Variants in IFT52 observed in about 807,000 individuals in gnomAD.
IFT52 encodes the protein intraflagellar transport protein 52 homolog.
Under a neutral mutation model 54.4 loss-of-function variants are expected in IFT52, and 44 were observed. That is an observed-to-expected ratio of 0.81 (90% CI 0.63 to 1.04). The LOEUF is 1.04. IFT52 is among the 50% of genes least tolerant of loss of function. The pLI is 0.00. For synonymous variants in IFT52, 181 were observed against 185.3 expected, an observed-to-expected ratio of 0.98 and a Z score of 0.19; for missense variants, 452 against 523.6, an observed-to-expected ratio of 0.86 and a Z score of 1.33.
chr20:43,621,715 A>C (rs1984314400), intron 9 of IFT52, among the ~76,000 whole-genome samples: 1 of 152,154 alleles, frequency 6.6e-6, no homozygotes, highest in Non-Finnish European at 1.5e-5. Flanking sequence ...CACCTGTCTC[A>C]GCTTCCCAAA....
chr20:43,606,635 GGGGGATTTGGCA>G (rs1322060384), intron 6 of IFT52, among the ~76,000 whole-genome samples: 1 of 151,908 alleles, frequency 6.6e-6, no homozygotes, highest in Non-Finnish European at 1.5e-5. Flanking sequence ...TTCTCGCAGA[GGGGGATTTGGCA>G]GGGTCATAGG....
chr20:43,630,996 T>C (rs714998), intron 10 of IFT52, among the ~76,000 whole-genome samples: 129,793 of 152,204 alleles, frequency 0.85, 55,667 homozygotes, highest in African/African-American at 0.95. Flanking sequence ...CTGGGATAGC[T>C]GAGGCTAGGA....
Position 43,620,935 on chromosome 20 carries a change from G to A in IFT52, c.768+10G>A, listed in dbSNP as rs762776083. ...TGCTGAGGACCCAGAGGTAGACACC[G>A]AATTATTAGAAACTTTTAAATGAAA... is the stretch of plus-strand genomic sequence containing the variant. On this transcript the variant is annotated intron_variant, in intron 9 of 13. Transcript: ENST00000373030. 15 of 1,598,172 alleles carry A rather than the reference G, an allele frequency of 9.4e-6. No individual in the cohort carries two copies. The South Asian group carries it at 1.2e-4, about 13-fold the overall frequency.
intron 7 of IFT52, among the ~76,000 whole-genome samples, chr20:43,615,642 A>G (rs1165153434): frequency 6.6e-6 from 1 of 152,064 alleles, no homozygotes; most frequent in Non-Finnish European, 1.5e-5. Context: ...CGTCTCTACT[A>G]AAAATACAAA....
Position 43,634,698 on chromosome 20 carries a change from A to G in IFT52, c.924-1228A>G, listed in dbSNP as rs116029162. Among the ~76,000 whole-genome samples the G allele has an allele frequency of 7.3e-3, 1,116 of 151,962 alleles. 15 individuals are homozygous for G. The highest frequency in any genetic ancestry group is 0.025 in the African/African-American group (1,030 of 41,440). ...CAAGTACAGATTTGTTACCTAGGTA[A>G]ACTTGTGTCATGGGGGTTTGTTGTA... On this transcript the variant is annotated intron_variant, in intron 10 of 13. Coordinates refer to ENST00000373030, the MANE Select transcript of IFT52 (RefSeq NM_016004.5).
At chr20:43,630,570 G>T (rs530354113) in intron 10 of IFT52, among the ~76,000 whole-genome samples, 191 of 152,174 alleles carry the variant, frequency 1.3e-3, no homozygotes, top group Non-Finnish European at 2.2e-3. Flanking sequence ...CAACTACAGG[G>T]TGTTGCTCTG....
intron 12 of IFT52, among the ~76,000 whole-genome samples, chr20:43,641,458 G>C (rs181940908): frequency 6.6e-6 from 1 of 151,212 alleles, no homozygotes; most frequent in Non-Finnish European, 1.5e-5. Flanking sequence ...GGCTGGTCTC[G>C]AACTCCCGGC....
In IFT52 at chr20:43,613,914, C is replaced by G; in HGVS notation, c.550C>G (p.Leu184Val). The G allele has an allele frequency of 6.2e-7, 1 of 1,613,854 alleles. No individual in the cohort carries two copies. Among genetic ancestry groups the G allele is most frequent in the Non-Finnish European group, 8.5e-7 (1 of 1,179,734 alleles). The change falls in exon 7 of 14, where the codon CTG (leucine) becomes GTG (valine). Residue 184 changes from leucine to valine, a missense_variant. Coordinates refer to ENST00000373030, the MANE Select transcript of IFT52 (RefSeq NM_016004.5). ...LSVMKPAVAV[L>V]STGSVCFPLN... is the part of the protein sequence containing the mutation. Reference sequence around the variant, plus strand: ...TGTCATGAAACCAGCAGTGGCGGTTCTGTCTACAGGTTCTGTCTGCTTCCC... The same window carrying G: ...TGTCATGAAACCAGCAGTGGCGGTTGTGTCTACAGGTTCTGTCTGCTTCCC...
intron 9 of IFT52, among the ~76,000 whole-genome samples, chr20:43,623,336 C>T (rs1984482453): frequency 6.6e-6 from 1 of 152,046 alleles, no homozygotes. Flanking sequence ...AGGCACACAC[C>T]ACCATGCTCA....
chr20:43,620,970 A>G lies in IFT52; in HGVS notation c.768+45A>G, dbSNP rs764062708. 3.6e-5 allele frequency: 49 copies of G among 1,358,684 alleles called. No homozygotes were observed. The South Asian group carries it at 4.1e-4, about 11-fold the overall frequency. 84.2% of individuals were successfully genotyped at this position (1,358,684 alleles called of 1,614,324 possible). A position where few individuals can be genotyped will look rare whatever the true frequency, so the allele number is the denominator to read the frequency against. On this transcript the variant is annotated intron_variant, in intron 9 of 13. Transcript: ENST00000373030. ...AAACTTTTAAATGAAAAATGAGTCC[A>G]GCTTCTCAGTACCACTTCTCACAGC...
intron 11 of IFT52, among the ~76,000 whole-genome samples, 169 bp downstream of exon 11, chr20:43,636,182 A>G (rs932598611): frequency 6.6e-6 from 1 of 152,242 alleles, no homozygotes; most frequent in African/African-American, 2.4e-5. Context: ...AATGTTCTAT[A>G]GAGACTTCCA....
At chr20:43,632,904 A>G (rs1455316311) in intron 10 of IFT52, among the ~76,000 whole-genome samples, 1 of 152,268 alleles carries the variant, frequency 6.6e-6, no homozygotes, top group East Asian at 1.9e-4. Context: ...GAAACTTGAA[A>G]GAAATGTTTC....
chr20:43,644,556 T>G (rs1413094489), intron 13 of IFT52, among the ~76,000 whole-genome samples: 1 of 53,932 alleles, frequency 1.9e-5, no homozygotes, highest in Non-Finnish European at 4.4e-5. Context: ...CTGAGGCGGG[T>G]GGATCACGAG....
In IFT52 at chr20:43,637,173, C is replaced by T; in HGVS notation, c.1040C>T (p.Pro347Leu). The T allele has an allele frequency of 6.2e-7, 1 of 1,612,090 alleles. No individual in the cohort carries two copies. The highest frequency in any genetic ancestry group is 8.5e-7 in the Non-Finnish European group (1 of 1,178,806). ...TTTCCTCCCAGTTTCCGGGAGTTAC[C>T]ACCTCCTCCTCTGGAGCTATTTGAT... ...AVFPPSFREL[P>L]PPPLELFDLD... Residue 347 changes from proline to leucine, a missense_variant, in exon 12 of 14, where the codon CCA becomes CTA. By Grantham distance (98) the Pro-to-Leu change is moderately conservative (BLOSUM62 -3). Transcript: ENST00000373030.
In IFT52 at chr20:43,604,501, G is replaced by A. The variant is rs372453915; in HGVS notation, c.413+243G>A. ...TGAGGCAGGAGAATCACTTGAGCCC[G>A]GGAAGCAGAGGTTGCATTGAGCTGA... On this transcript the variant is annotated intron_variant, in intron 5 of 13. Transcript: ENST00000373030. 1.6e-4 allele frequency among the ~76,000 whole-genome samples: 24 copies of A among 152,118 alleles called. 1 individual carries two copies. The highest frequency in any genetic ancestry group is 4.6e-4 in the African/African-American group (19 of 41,514).
rs187230020 is a variant in IFT52 at position 43,620,815 on chromosome 20, A to G, written c.700-42A>G. The G allele has an allele frequency of 1.3e-5, 19 of 1,437,734 alleles. No homozygotes were observed. In the Admixed American group the frequency reaches 2.7e-4, roughly 21 times the overall value. The allele number at this position is 1,437,734 out of a possible 1,614,324, so 89.1% of individuals were successfully genotyped here. A position where few individuals can be genotyped will look rare whatever the true frequency, so the allele number is the denominator to read the frequency against. On this transcript the variant is annotated intron_variant, in intron 8 of 13. Transcript: ENST00000373030. Reference sequence around the variant, plus strand: ...TAGTCCTGACCTTCAGCTTTTTCAAATAACCAACTGTCCTAATTATATACT... The same window carrying G: ...TAGTCCTGACCTTCAGCTTTTTCAAGTAACCAACTGTCCTAATTATATACT...
rs769627995 is a variant in IFT52, at chr20:43,604,284, C to G, written c.413+26C>G. On this transcript the variant is annotated intron_variant, in intron 5 of 13. Transcript: ENST00000373030. The stretch of plus-strand genomic sequence containing the variant: ...GTAAGCATGTTGAAAGCAGAAATAT[C>G]TTGGCAAGGCATCGTCGCTCACACC... The G allele has an allele frequency of 2.6e-6, 4 of 1,532,744 alleles. No individual in the cohort carries two copies. In the East Asian group the frequency reaches 6.8e-5, roughly 26 times the overall value. The allele number at this position is 1,532,744 out of a possible 1,614,324, so 94.9% of individuals were successfully genotyped here.
chr20:43,609,775 CAA>C (rs57268776), intron 6 of IFT52, among the ~76,000 whole-genome samples: 141 of 47,190 alleles, frequency 3.0e-3, no homozygotes, highest in Middle Eastern at 0.019. Flanking sequence ...AACTCCGTCT[CAA>C]AAAAAAAAAA....
At chr20:43,634,190 A>G (rs1045888239) in intron 10 of IFT52, among the ~76,000 whole-genome samples, 9 of 140,854 alleles carry the variant, frequency 6.4e-5, no homozygotes, top group Non-Finnish European at 9.1e-5. Context: ...GTAAGTGTTT[A>G]GATTGTGGTT....
Sources: gnomAD v4.1 joint callset for allele counts (sites outside exome capture counted in the v4.1 genomes callset) on GRCh38, gnomAD v4.1.1 for gene constraint, MANE v1.5 for transcripts, NCBI Gene and HGNC (gene_info 2026-07-23, HGNC 2026-07-21) for gene names.